EBF3: variants seen among roughly 807,000 people sequenced by gnomAD.
EBF3 encodes transcription factor COE3.
EBF3 carries 18 observed loss-of-function variants against 77.1 expected under a neutral mutation model. The observed-to-expected ratio is 0.23, with a 90% CI of 0.16 to 0.35. The LOEUF is 0.35. Ranked by LOEUF, EBF3 falls within the 10% of genes least tolerant of loss-of-function variation. The probability of loss-of-function intolerance (pLI) is 1.00; values close to 1 mark genes in which losing one functional copy is unlikely to be tolerated. For synonymous variants in EBF3, 350 were observed against 343.5 expected (o/e 1.02, Z -0.21); for missense variants, 558 against 860.0 (o/e 0.65, Z 4.39).
At position 129,944,901 on chromosome 10, in the gene EBF3, G is replaced by A. The variant is rs1207541571; in HGVS notation, c.554+12357C>T. On this transcript the variant is annotated intron_variant, in intron 6 of 16. Coordinates refer to ENST00000440978, the MANE Select transcript of EBF3 (RefSeq NM_001375380.1). The surrounding 1 kb of genome is among the most constrained non-coding windows in gnomAD (Gnocchi z 5.1). ...ATGTCAGGAGAACTGGGCATTTAAAGCTTGATTTTTTAAAAGAAAAACACT... is the reference window on the plus strand; with the variant it reads ...ATGTCAGGAGAACTGGGCATTTAAAACTTGATTTTTTAAAAGAAAAACACT... Among the ~76,000 whole-genome samples the A allele has an allele frequency of 2.6e-5, 4 of 150,946 alleles. No homozygotes were observed. Among genetic ancestry groups the A allele is most frequent in the African/African-American group, 9.8e-5 (4 of 40,868 alleles).
At chr10:129,876,329 G>A (rs759598015) in intron 7 of EBF3, among the ~76,000 whole-genome samples, 2 of 152,282 alleles carry the variant, frequency 1.3e-5, no homozygotes, top group African/African-American at 2.4e-5. Context: ...TGTAACTGAC[G>A]CTGTGTTCAG....
At chr10:129,922,487 C>T (rs1856379429) in intron 6 of EBF3, among the ~76,000 whole-genome samples, 1 of 152,244 alleles carries the variant, frequency 6.6e-6, no homozygotes, top group Admixed American at 6.5e-5. Context: ...TTGGTCCTCC[C>T]TATACCCCAT....
chr10:129,860,196 T>G (rs1027697111), intron 10 of EBF3, among the ~76,000 whole-genome samples: 1 of 152,072 alleles, frequency 6.6e-6, no homozygotes, highest in Non-Finnish European at 1.5e-5. Context: ...AAGCACGTCC[T>G]ACTCAATCAG....
intron 6 of EBF3, among the ~76,000 whole-genome samples, chr10:129,926,775 A>G (rs2134393202): frequency 6.6e-6 from 1 of 152,348 alleles, no homozygotes; most frequent in South Asian, 2.1e-4. Context: ...GGTGTGCCTC[A>G]CTGGAGGACA....
At chr10:129,838,035 G>A (rs558873862) in intron 16 of EBF3, 75 bp from the exon 17 acceptor site, 1 of 1,561,026 alleles carries the variant, frequency 6.4e-7, no homozygotes, top group South Asian at 1.1e-5. Flanking sequence ...CGCGGGCGGG[G>A]CTGCCCTTCC....
intron 6 of EBF3, among the ~76,000 whole-genome samples, chr10:129,881,839 T>C (rs1252056207): frequency 6.6e-6 from 1 of 152,192 alleles, no homozygotes. Flanking sequence ...GAGGCCCTCA[T>C]TTCTGCTGGG....
In EBF3 at chr10:129,897,472, T is replaced by C. The variant is rs1033491690; in HGVS notation, c.555-19623A>G. ...CATCCACCCTCCCCTGCAGACTGGC[T>C]CCCCCTAAATCAAGGGGGGCCAGGC... On this transcript the variant is annotated intron_variant, in intron 6 of 16. Transcript: ENST00000440978. This position sits in a 1 kb window ranked among gnomAD's most constrained non-coding sequence, Gnocchi z 4.6. 6.6e-6 allele frequency among the ~76,000 whole-genome samples: 1 copy of C among 151,820 alleles called. No individual in the cohort carries two copies. Among genetic ancestry groups the C allele is most frequent in the Non-Finnish European group, 1.5e-5 (1 of 67,946 alleles).
rs1221470227 is a variant in EBF3 at position 129,842,540 on chromosome 10, G to A, written c.1195-247C>T. Among the ~76,000 whole-genome samples, 1 of 152,158 alleles carries A rather than the reference G, an allele frequency of 6.6e-6. No individual in the cohort carries two copies. Reference sequence around the variant, plus strand: ...GCATTTTGGGAGGTCAAGGCAGGCGGATCATCTGAGGTCAGGAGTTCAAGA... The same window carrying A: ...GCATTTTGGGAGGTCAAGGCAGGCGAATCATCTGAGGTCAGGAGTTCAAGA... On this transcript the variant is annotated intron_variant, in intron 12 of 16. Coordinates refer to ENST00000440978, the MANE Select transcript of EBF3 (RefSeq NM_001375380.1). This position sits in a 1 kb window ranked among gnomAD's most constrained non-coding sequence, Gnocchi z 4.4.
At chr10:129,936,888 C>T (rs1857401552) in intron 6 of EBF3, among the ~76,000 whole-genome samples, 1 of 152,188 alleles carries the variant, frequency 6.6e-6, no homozygotes, top group African/African-American at 2.4e-5. Context: ...CAAATCAAGG[C>T]AGGAGGGCCA....
intron 6 of EBF3, among the ~76,000 whole-genome samples, chr10:129,925,364 G>A (rs889733166): frequency 1.3e-5 from 2 of 151,806 alleles, no homozygotes; most frequent in African/African-American, 2.4e-5. Context: ...GACAATGTGC[G>A]GTACACAGAC....
At chr10:129,939,787 A>G (rs1857602602) in intron 6 of EBF3, among the ~76,000 whole-genome samples, 1 of 152,220 alleles carries the variant, frequency 6.6e-6, no homozygotes, top group Non-Finnish European at 1.5e-5. Context: ...GCAAGCTAAT[A>G]CCGGACTTCG....
chr10:129,839,335 G>A (rs1849836095), intron 15 of EBF3, 140 bp from the exon 16 acceptor site: 14 of 394,122 alleles, frequency 3.6e-5, no homozygotes, highest in South Asian at 2.7e-4. Flanking sequence ...CTTAATTTAA[G>A]TGCCTGCGGG....
chr10:129,959,723 C>A (rs568327896), intron 4 of EBF3, among the ~76,000 whole-genome samples: 37 of 151,900 alleles, frequency 2.4e-4, no homozygotes, highest in African/African-American at 8.4e-4. Context: ...ACGCTGCGGG[C>A]GGCCTGGGAG....
intron 5 of EBF3, among the ~76,000 whole-genome samples, chr10:129,958,640 G>A (rs1469870302): frequency 6.6e-6 from 1 of 152,140 alleles, no homozygotes; most frequent in African/African-American, 2.4e-5. Flanking sequence ...TGACTCCTCC[G>A]GCACCGCGGA....
intron 10 of EBF3, among the ~76,000 whole-genome samples, chr10:129,849,161 C>T (rs1225538629): frequency 1.3e-5 from 2 of 152,216 alleles, no homozygotes; most frequent in African/African-American, 4.8e-5. Context: ...GCATGAATCA[C>T]GGCCGGGACT....
intron 6 of EBF3, among the ~76,000 whole-genome samples, chr10:129,916,822 G>A (rs1298244449): frequency 6.6e-6 from 1 of 152,222 alleles, no homozygotes; most frequent in African/African-American, 2.4e-5. Context: ...CCCAAGGGAG[G>A]CACAGTGAGC....
chr10:129,889,284 G>A (rs1024539290), intron 6 of EBF3, among the ~76,000 whole-genome samples: 1 of 152,268 alleles, frequency 6.6e-6, no homozygotes, highest in African/African-American at 2.4e-5. Context: ...AAAGGGACAA[G>A]GCCAGAGCTC....
chr10:129,933,031 AC>A (rs1305358638), intron 6 of EBF3, among the ~76,000 whole-genome samples: 1 of 152,032 alleles, frequency 6.6e-6, no homozygotes, highest in Non-Finnish European at 1.5e-5. Context: ...CAATAAAAAG[AC>A]CCAAAAATTA....
chr10:129,928,554 C>G (rs1856817237), intron 6 of EBF3, among the ~76,000 whole-genome samples: 2 of 152,332 alleles, frequency 1.3e-5, no homozygotes, highest in South Asian at 4.1e-4. Flanking sequence ...ATTGTGAAAA[C>G]ACCACAATGC....
Sources: gnomAD v4.1 joint callset for allele counts (sites outside exome capture counted in the v4.1 genomes callset) on GRCh38, gnomAD v4.1.1 for gene constraint, Gnocchi (gnomAD v3.1) non-coding constraint, MANE v1.5 for transcripts, NCBI Gene and HGNC (gene_info 2026-07-23, HGNC 2026-07-21) for gene names.